The following UPF1 variants were observed in gnomAD, a reference collection of about 807,000 sequenced individuals.
UPF1 encodes regulator of nonsense transcripts 1.
UPF1 carries 9 observed loss-of-function variants against 129.2 expected under a neutral mutation model. The observed-to-expected ratio is 0.07, with a 90% CI of 0.04 to 0.12. The LOEUF (loss-of-function observed/expected upper bound fraction) is 0.12. Among genes scored for constraint, UPF1 ranks in the 10% least tolerant of loss-of-function variants. The pLI, the probability that UPF1 is intolerant of heterozygous loss-of-function variation, is 1.00. For synonymous variants in UPF1, 649 were observed against 644.9 expected (o/e 1.01, Z -0.10); for missense variants, 788 against 1,525.3 (o/e 0.52, Z 8.05).
chr19:18,846,399 G>T (rs780224616), intron 2 of UPF1, among the ~76,000 whole-genome samples: 7 of 152,086 alleles, frequency 4.6e-5, no homozygotes, highest in Non-Finnish European at 8.8e-5. Flanking sequence ...GCATTGCCTG[G>T]TACCTGCGCA....
At position 18,865,640 on chromosome 19, in the gene UPF1, T is replaced by C. The variant is rs146339873; in HGVS notation, c.3099T>C (p.Thr1033=). The change falls in exon 22 of 24, where the codon ACT becomes ACC. Residue 1033 remains threonine (T), a synonymous_variant. Coordinates refer to ENST00000262803, the MANE Select transcript of UPF1 (RefSeq NM_002911.4). The surrounding 1 kb of genome is among the most constrained non-coding windows in gnomAD (Gnocchi z 6.1). ...TTGGGCTTCCTGGACCCAGCCAGAC[T>C]AACCTCCCCAACAGCCAAGCCAGCC... ...NRFGLPGPSQ[T]NLPNSQASQD... 35 of 1,613,804 alleles carry C rather than the reference T, an allele frequency of 2.2e-5. No homozygotes were observed. In the African/African-American group the frequency reaches 3.5e-4, roughly 16 times the overall value.
chr19:18,833,780 G>C (rs2055454391), intron 1 of UPF1, among the ~76,000 whole-genome samples: 1 of 152,170 alleles, frequency 6.6e-6, no homozygotes. Context: ...ACCACTCCTT[G>C]CTCATCCAGA....
chr19:18,832,530 G>A lies in UPF1; in HGVS notation c.231+90G>A. ...CTCGCCTCGGGCCCGGCCTGTGTTT[G>A]GCCGGAGTCCCCCATCGCGGCCGGG... On this transcript the variant is annotated intron_variant, in intron 1 of 23. Coordinates refer to ENST00000262803, the MANE Select transcript of UPF1 (RefSeq NM_002911.4). This position sits in a 1 kb window ranked among gnomAD's most constrained non-coding sequence, Gnocchi z 5.6. The A allele has an allele frequency of 1.1e-6, 1 of 929,476 alleles. No homozygotes were observed. Among genetic ancestry groups the A allele is most frequent in the Non-Finnish European group, 1.3e-6 (1 of 778,150 alleles). 57.6% of individuals were successfully genotyped at this position (929,476 alleles called of 1,614,324 possible). A position where few individuals can be genotyped will look rare whatever the true frequency, so the allele number is the denominator to read the frequency against.
rs1476224967 is a variant in UPF1, at chr19:18,866,860, C to G, written c.*343C>G. ...TTCCTCTGTTCTTTTATTTCTTTTT[C>G]TCTTTGATTGAAAGGGGACTACGTC... is the stretch of plus-strand genomic sequence containing the variant. On this transcript the variant is annotated 3_prime_UTR_variant, in exon 24 of 24. Coordinates refer to ENST00000262803, the MANE Select transcript of UPF1 (RefSeq NM_002911.4). 6.6e-6 allele frequency: 1 copy of G among 152,614 alleles called. No homozygotes were observed. The highest frequency in any genetic ancestry group is 2.4e-5 in the African/African-American group (1 of 41,474). 9.5% of individuals were successfully genotyped at this position (152,614 alleles called of 1,614,324 possible). A position where few individuals can be genotyped will look rare whatever the true frequency, so the allele number is the denominator to read the frequency against.
chr19:18,856,843 G>A (rs370304097), intron 13 of UPF1, 34 bp from the exon 14 acceptor site: 2 of 1,593,140 alleles, frequency 1.3e-6, no homozygotes, highest in African/African-American at 2.7e-5. Context: ...CGTTTACAGT[G>A]CAGGTGCCCT....
At chr19:18,845,236 G>C (rs1223227230) in intron 1 of UPF1, among the ~76,000 whole-genome samples, 1 of 152,242 alleles carries the variant, frequency 6.6e-6, no homozygotes, top group Non-Finnish European at 1.5e-5. Flanking sequence ...CTGACCCCGT[G>C]GTGGGGTTAG....
intron 1 of UPF1, among the ~76,000 whole-genome samples, chr19:18,833,549 T>TGGGGTGGGAGAGGGGCTGGG (rs2055451498): frequency 9.3e-6 from 1 of 107,672 alleles, no homozygotes; most frequent in Non-Finnish European, 1.8e-5. Flanking sequence ...GCTGCTTGCC[T>TGGGGTGGGAGAGGGGCTGGG]GGGGTGGGAG....
intron 1 of UPF1, among the ~76,000 whole-genome samples, chr19:18,841,415 C>T (rs1463996509): frequency 6.6e-6 from 1 of 152,214 alleles, no homozygotes; most frequent in African/African-American, 2.4e-5. Flanking sequence ...AGCTGCAGCG[C>T]CGTTATCACA....
At position 18,867,075 on chromosome 19, in the gene UPF1, T is replaced by A. The variant is rs1282722370; in HGVS notation, c.*558T>A. 1 of 152,634 alleles carries A rather than the reference T, an allele frequency of 6.6e-6. No homozygotes were observed. Among genetic ancestry groups the A allele is most frequent in the Admixed American group, 6.5e-5 (1 of 15,288 alleles). 9.5% of individuals were successfully genotyped at this position (152,634 alleles called of 1,614,324 possible). A position where few individuals can be genotyped will look rare whatever the true frequency, so the allele number is the denominator to read the frequency against. On this transcript the variant is annotated 3_prime_UTR_variant, in exon 24 of 24. Coordinates refer to ENST00000262803, the MANE Select transcript of UPF1 (RefSeq NM_002911.4). ...GGTGTTTTGGGTTTTTCTCTTTGTT[T>A]TTTTCAAGATTCTTTTAAAGGAGTA...
chr19:18,864,761 A>C (rs1256187273), intron 20 of UPF1, among the ~76,000 whole-genome samples: 1 of 83,802 alleles, frequency 1.2e-5, no homozygotes, highest in Non-Finnish European at 2.1e-5. Flanking sequence ...TTTTTTGGAG[A>C]CCGAGTCTCG....
Position 18,850,370 on chromosome 19 carries a change from C to A in UPF1, c.629+128C>A. 7.5e-7 allele frequency: 1 copy of A among 1,341,926 alleles called. No homozygotes were observed. The highest frequency in any genetic ancestry group is 1.0e-6 in the Non-Finnish European group (1 of 1,000,852). 83.1% of individuals were successfully genotyped at this position (1,341,926 alleles called of 1,614,324 possible). A position where few individuals can be genotyped will look rare whatever the true frequency, so the allele number is the denominator to read the frequency against. Reference sequence around the variant, plus strand: ...AGTTGTCCTCCAAAGATGGTTTTTGCTGAAGGGTGAGGCATGAGAGCGTTT... The same window carrying A: ...AGTTGTCCTCCAAAGATGGTTTTTGATGAAGGGTGAGGCATGAGAGCGTTT... On this transcript the variant is annotated intron_variant, in intron 4 of 23. Transcript: ENST00000262803. This position sits in a 1 kb window ranked among gnomAD's most constrained non-coding sequence, Gnocchi z 7.1.
At chr19:18,854,754 T>C in intron 9 of UPF1, 45 bp downstream of exon 9, 1 of 1,602,812 alleles carries the variant, frequency 6.2e-7, no homozygotes, top group Middle Eastern at 1.8e-4. Flanking sequence ...GGTTGCCACC[T>C]GTGGCATCTT....
chr19:18,842,797 C>T (rs773468010), intron 1 of UPF1, among the ~76,000 whole-genome samples: 17 of 151,742 alleles, frequency 1.1e-4, no homozygotes, highest in Non-Finnish European at 2.2e-4. Flanking sequence ...GTTGGGAGTT[C>T]GAGACCAGCC....
rs981892354 is a variant in UPF1 at position 18,832,019 on chromosome 19, C to T, written c.-191C>T. On this transcript the variant is annotated 5_prime_UTR_variant, in exon 1 of 24. Coordinates refer to ENST00000262803, the MANE Select transcript of UPF1 (RefSeq NM_002911.4). This position sits in a 1 kb window ranked among gnomAD's most constrained non-coding sequence, Gnocchi z 5.6. The stretch of plus-strand genomic sequence containing the variant: ...CGAGGGGAGCTGAGGCGCGGAGGGG[C>T]TCGGCGGCAGCGGCGGCGGCTCGGC... 1 of 386,802 alleles carries T rather than the reference C, an allele frequency of 2.6e-6. No homozygotes were observed. Among genetic ancestry groups the T allele is most frequent in the Non-Finnish European group, 4.3e-6 (1 of 232,206 alleles). The allele number at this position is 386,802 out of a possible 1,614,324, so 24.0% of individuals were successfully genotyped here.
At chr19:18,843,717 T>TG (rs2055567130) in intron 1 of UPF1, among the ~76,000 whole-genome samples, 2 of 143,994 alleles carry the variant, frequency 1.4e-5, no homozygotes, top group Non-Finnish European at 3.0e-5. Flanking sequence ...TTGGCCAGGC[T>TG]TGTGTGTGTG....
At chr19:18,845,888 A>AG in intron 1 of UPF1, 92 bp from the exon 2 acceptor site, 2 of 1,502,560 alleles carry the variant, frequency 1.3e-6, no homozygotes, top group Non-Finnish European at 1.8e-6. Context: ...AGATGAGGCC[A>AG]GGGTGTCACA....
chr19:18,857,067 TTCTTGGTGTTTG>T, intron 14 of UPF1, 47 bp downstream of exon 14: 4 of 1,581,598 alleles, frequency 2.5e-6, no homozygotes, highest in Non-Finnish European at 3.4e-6. Flanking sequence ...GTGTGTGTGA[TTCTTGGTGTTTG>T]TCTTTTAAAA....
At chr19:18,847,336 G>A (rs959498750) in intron 2 of UPF1, among the ~76,000 whole-genome samples, 2 of 152,212 alleles carry the variant, frequency 1.3e-5, no homozygotes, top group African/African-American at 4.8e-5. Context: ...GCTTCAGGGC[G>A]CTGCTGCTGC....
At chr19:18,858,443 T>C (rs567205109) in intron 15 of UPF1, among the ~76,000 whole-genome samples, 1 of 152,246 alleles carries the variant, frequency 6.6e-6, no homozygotes, top group Admixed American at 6.5e-5. Flanking sequence ...CCTACTTGAC[T>C]CGGTGGGAGA....
Sources: gnomAD v4.1 joint callset for allele counts (sites outside exome capture counted in the v4.1 genomes callset) on GRCh38, gnomAD v4.1.1 for gene constraint, Gnocchi (gnomAD v3.1) non-coding constraint, MANE v1.5 for transcripts, NCBI Gene and HGNC (gene_info 2026-07-23, HGNC 2026-07-21) for gene names.